Variants in CTNNA2 observed in about 807,000 individuals in gnomAD.
CTNNA2 encodes the protein catenin alpha-2.
A neutral mutation model predicts 101.0 loss-of-function variants in CTNNA2; 42 were observed. The observed-to-expected ratio is 0.42, with a 90% confidence interval of 0.32 to 0.54. The LOEUF (loss-of-function observed/expected upper bound fraction) is 0.54. Among genes scored for constraint, CTNNA2 ranks in the 20% least tolerant of loss-of-function variants. The probability of loss-of-function intolerance (pLI) is 0.14; values close to 1 mark genes in which losing one functional copy is unlikely to be tolerated. For synonymous variants in CTNNA2, 450 were observed against 456.4 expected, an observed-to-expected ratio of 0.99 and a Z score of 0.18; for missense variants, 871 against 1,223.1, an observed-to-expected ratio of 0.71 and a Z score of 4.29.
chr2:79,953,031 C>T (rs547690933), intron 7 of CTNNA2, among the ~76,000 whole-genome samples: 1 of 152,284 alleles, frequency 6.6e-6, no homozygotes, highest in South Asian at 2.1e-4. Flanking sequence ...AAACTAACAT[C>T]CTATGAATGA....
intron 1 of CTNNA2, among the ~76,000 whole-genome samples, chr2:79,513,610 C>T (rs757028636): frequency 3.3e-5 from 5 of 152,112 alleles, no homozygotes; most frequent in Non-Finnish European, 5.9e-5. Flanking sequence ...GAGAGACACA[C>T]TCTTAAACAG....
intron 4 of CTNNA2, among the ~76,000 whole-genome samples, chr2:79,465,016 T>G (rs1055179366): frequency 1.3e-5 from 2 of 152,244 alleles, no homozygotes; most frequent in African/African-American, 4.8e-5. Context: ...TTTTGGCTTT[T>G]GTTGCCATTG....
intron 7 of CTNNA2, among the ~76,000 whole-genome samples, chr2:80,116,606 G>C (rs1315485847): frequency 6.6e-6 from 1 of 152,120 alleles, no homozygotes; most frequent in Non-Finnish European, 1.5e-5. Flanking sequence ...ATGAGAACTT[G>C]GGATAAGATA....
chr2:79,833,449 C>T (rs2105437237), intron 3 of CTNNA2, among the ~76,000 whole-genome samples: 1 of 152,224 alleles, frequency 6.6e-6, no homozygotes, highest in African/African-American at 2.4e-5. Context: ...CTCTCTTTTC[C>T]TTGATAGTGA....
chr2:79,592,230 C>T (rs1285496715), intron 1 of CTNNA2, among the ~76,000 whole-genome samples: 1 of 151,746 alleles, frequency 6.6e-6, no homozygotes, highest in Admixed American at 6.6e-5. Flanking sequence ...AGGCGATTCT[C>T]CTGTCTCAGC....
At chr2:80,473,202 C>T (rs1018302244) in intron 9 of CTNNA2, among the ~76,000 whole-genome samples, 3 of 152,158 alleles carry the variant, frequency 2.0e-5, no homozygotes, top group African/African-American at 4.8e-5. Flanking sequence ...ACTCCCCAGG[C>T]CTCAGGCTCC....
chr2:79,895,227 C>G (rs1275235061), intron 6 of CTNNA2, among the ~76,000 whole-genome samples: 1 of 152,194 alleles, frequency 6.6e-6, no homozygotes, highest in African/African-American at 2.4e-5. Context: ...TCTTGAGAAG[C>G]AATTAACATA....
intron 7 of CTNNA2, among the ~76,000 whole-genome samples, chr2:79,945,449 A>G (rs1346557303): frequency 6.6e-6 from 1 of 152,124 alleles, no homozygotes; most frequent in African/African-American, 2.4e-5. Context: ...TCATCACTCA[A>G]ACACAACTAC....
chr2:79,906,289 G>A (rs931800439), intron 6 of CTNNA2, among the ~76,000 whole-genome samples: 4 of 149,710 alleles, frequency 2.7e-5, no homozygotes, highest in African/African-American at 5.0e-5. Context: ...CATCTCATCC[G>A]GGATACACAC....
intron 2 of CTNNA2, among the ~76,000 whole-genome samples, chr2:79,253,914 C>A (rs1474863248): frequency 6.6e-6 from 1 of 152,156 alleles, no homozygotes; most frequent in South Asian, 2.1e-4. Flanking sequence ...AAAAACAGTA[C>A]ATGTATAGTT....
At chr2:80,116,172 A>T (rs547648103) in intron 7 of CTNNA2, among the ~76,000 whole-genome samples, 1 of 152,250 alleles carries the variant, frequency 6.6e-6, no homozygotes, top group African/African-American at 2.4e-5. Flanking sequence ...AGCCACAGCC[A>T]CTACATAAAC....
chr2:80,540,277 A>G (rs1338968650), intron 9 of CTNNA2, among the ~76,000 whole-genome samples: 1 of 152,166 alleles, frequency 6.6e-6, no homozygotes, highest in African/African-American at 2.4e-5. Context: ...ACAGATATCT[A>G]GTTAAAGAAC....
intron 9 of CTNNA2, among the ~76,000 whole-genome samples, chr2:80,432,521 G>A (rs1245853670): frequency 6.6e-6 from 1 of 152,184 alleles, no homozygotes; most frequent in Admixed American, 6.5e-5. Context: ...CATCCAAGGT[G>A]CCTGGGAATT....
At position 80,149,827 on chromosome 2, in the gene CTNNA2, T is replaced by G. The variant is rs1174324777; in HGVS notation, c.1056+240030T>G. 4.7e-5 allele frequency among the ~76,000 whole-genome samples: 7 copies of G among 149,292 alleles called. No homozygotes were observed. The East Asian group carries it at 1.4e-3, about 30-fold the overall frequency. ...ACACACACACACACAGTGTATTCAC[T>G]TTCTGAAAGTTTATTAGACAATGAC... On this transcript the variant is annotated intron_variant, in intron 7 of 18. Transcript: ENST00000402739.
At chr2:79,771,335 A>G (rs1384415297) in intron 3 of CTNNA2, among the ~76,000 whole-genome samples, 1 of 152,170 alleles carries the variant, frequency 6.6e-6, no homozygotes, top group East Asian at 1.9e-4. Flanking sequence ...GGCACCAGGG[A>G]CCAGTTTTGT....
chr2:79,399,457 C>G (rs1404899109), intron 4 of CTNNA2, among the ~76,000 whole-genome samples: 1 of 152,096 alleles, frequency 6.6e-6, no homozygotes, highest in African/African-American at 2.4e-5. Flanking sequence ...ATGTACCCAA[C>G]ACATATTGGT....
chr2:80,097,625 C>T (rs956296650), intron 7 of CTNNA2, among the ~76,000 whole-genome samples: 29 of 152,160 alleles, frequency 1.9e-4, no homozygotes, highest in Middle Eastern at 3.2e-3. Context: ...CCATTCTGTC[C>T]GTCACTTTCA....
chr2:79,650,582 C>A lies in CTNNA2; in HGVS notation c.-5-970C>A, dbSNP rs188123050. 3.3e-5 allele frequency among the ~76,000 whole-genome samples: 5 copies of A among 149,424 alleles called. 1 individual carries two copies. The highest frequency in any genetic ancestry group is 1.2e-4 in the African/African-American group (5 of 40,102). On this transcript the variant is annotated intron_variant, in intron 1 of 18. Coordinates refer to ENST00000402739, the MANE Select transcript of CTNNA2 (RefSeq NM_001282597.3). ...TGTTCTCTCCAGACTGACATTGATG[C>A]CCCTTCCTCACCTCTCCCATAGTCC...
intron 9 of CTNNA2, among the ~76,000 whole-genome samples, chr2:80,458,694 G>C (rs1219108268): frequency 6.6e-6 from 1 of 152,148 alleles, no homozygotes; most frequent in South Asian, 2.1e-4. Flanking sequence ...TTGAAGTTCA[G>C]CTTGTTCAAC....
Sources: gnomAD v4.1 joint callset for allele counts (sites outside exome capture counted in the v4.1 genomes callset) on GRCh38, gnomAD v4.1.1 for gene constraint, MANE v1.5 for transcripts, NCBI Gene and HGNC (gene_info 2026-07-23, HGNC 2026-07-21) for gene names.